ZNF827: variants seen among roughly 807,000 people sequenced by gnomAD.
The protein encoded by ZNF827 is zinc finger protein 827.
In ZNF827, 13 loss-of-function variants were observed where a neutral mutation model predicts 102.4. The observed-to-expected ratio is 0.13, with a 90% CI of 0.08 to 0.20. ZNF827 has a LOEUF of 0.20. Ranked by LOEUF, ZNF827 falls within the 10% of genes least tolerant of loss-of-function variation. The pLI is 1.00. For synonymous variants in ZNF827, 523 were observed against 536.2 expected, an observed-to-expected ratio of 0.98 and a Z score of 0.34; for missense variants, 1,103 against 1,344.4, an observed-to-expected ratio of 0.82 and a Z score of 2.81.
intron 8 of ZNF827, among the ~76,000 whole-genome samples, chr4:145,793,287 A>G (rs1004833933): frequency 7.4e-6 from 1 of 134,494 alleles, no homozygotes; most frequent in Non-Finnish European, 1.6e-5. Flanking sequence ...TATAATATAT[A>G]TATGATATAT....
chr4:145,855,168 A>G (rs1432006773), intron 5 of ZNF827, among the ~76,000 whole-genome samples: 2 of 152,210 alleles, frequency 1.3e-5, no homozygotes, highest in African/African-American at 4.8e-5. Context: ...GATATAAACA[A>G]TATCAATTGG....
intron 7 of ZNF827, among the ~76,000 whole-genome samples, chr4:145,835,723 A>C (rs1336783119): frequency 8.7e-6 from 1 of 114,712 alleles, no homozygotes; most frequent in Non-Finnish European, 1.8e-5. Context: ...CCCTTACCCC[A>C]CTCAACGCCA....
chr4:145,757,650 TA>T lies in ZNF827; in HGVS notation c.*3965del, dbSNP rs1734053811. ...AGTATAGCCAACCTTTTTTTTTTTTTAATTAGAGTATATTATACTTTCAAAC... is the reference window on the plus strand; with the variant it reads ...AGTATAGCCAACCTTTTTTTTTTTTTATTAGAGTATATTATACTTTCAAAC... On this transcript the variant is annotated 3_prime_UTR_variant, in exon 15 of 15. Coordinates refer to ENST00000508784, the MANE Select transcript of ZNF827 (RefSeq NM_001306215.2). The T allele has an allele frequency of 6.6e-6, 1 of 151,468 alleles. No individual in the cohort carries two copies. The highest frequency in any genetic ancestry group is 6.6e-5 in the Admixed American group (1 of 15,220). The allele number at this position is 151,468 out of a possible 1,614,324, so 9.4% of individuals were successfully genotyped here. A position where few individuals can be genotyped will look rare whatever the true frequency, so the allele number is the denominator to read the frequency against.
rs116080797 is a variant in ZNF827, at chr4:145,871,427, C to G, written c.1748-949G>C. Among the ~76,000 whole-genome samples the G allele has an allele frequency of 3.6e-3, 547 of 152,286 alleles. 2 individuals are homozygous for G. Among genetic ancestry groups the G allele is most frequent in the African/African-American group, 0.012 (504 of 41,568 alleles). ...ATTCTGTGGCTCAGCCACACTGTACCAGGCCTTCTCCACTGGGCTACATAC... is the reference window on the plus strand; with the variant it reads ...ATTCTGTGGCTCAGCCACACTGTACGAGGCCTTCTCCACTGGGCTACATAC... On this transcript the variant is annotated intron_variant, in intron 4 of 14. Coordinates refer to ENST00000508784, the MANE Select transcript of ZNF827 (RefSeq NM_001306215.2).
At chr4:145,893,436 TA>T (rs1248809995) in intron 2 of ZNF827, among the ~76,000 whole-genome samples, 3 of 152,204 alleles carry the variant, frequency 2.0e-5, no homozygotes, top group African/African-American at 7.2e-5. Context: ...CAATAAAATA[TA>T]AAAAGCACTT....
intron 4 of ZNF827, among the ~76,000 whole-genome samples, chr4:145,881,532 A>G (rs758919742): frequency 2.0e-5 from 3 of 152,218 alleles, no homozygotes; most frequent in Non-Finnish European, 4.4e-5. Context: ...TAAATTTTAT[A>G]TCTTGAAAAG....
chr4:145,898,754 T>G (rs960702379), intron 2 of ZNF827, among the ~76,000 whole-genome samples: 1 of 152,150 alleles, frequency 6.6e-6, no homozygotes, highest in Non-Finnish European at 1.5e-5. Context: ...CACCATGACC[T>G]GGCAACCACT....
At chr4:145,912,193 A>C (rs1358890633) in intron 1 of ZNF827, among the ~76,000 whole-genome samples, 2 of 152,252 alleles carry the variant, frequency 1.3e-5, no homozygotes, top group Non-Finnish European at 2.9e-5. Flanking sequence ...AAGTGCACAC[A>C]CACTCAAACA....
intron 1 of ZNF827, among the ~76,000 whole-genome samples, chr4:145,933,966 A>G (rs757966642): frequency 1.2e-4 from 19 of 152,228 alleles, no homozygotes; most frequent in Non-Finnish European, 2.8e-4. Flanking sequence ...CAAACTTTTT[A>G]AAGTTATCCA....
chr4:145,781,113 G>A (rs994184499), intron 8 of ZNF827, among the ~76,000 whole-genome samples: 3 of 149,622 alleles, frequency 2.0e-5, no homozygotes, highest in African/African-American at 7.4e-5. Flanking sequence ...GAAGAATGGC[G>A]TGAACCCGGG....
chr4:145,761,271 C>A lies in ZNF827; in HGVS notation c.*345G>T, dbSNP rs1241397103. The A allele has an allele frequency of 7.8e-7, 1 of 1,289,796 alleles. No homozygotes were observed. Among genetic ancestry groups the A allele is most frequent in the Non-Finnish European group, 1.0e-6 (1 of 988,894 alleles). The allele number at this position is 1,289,796 out of a possible 1,614,324, so 79.9% of individuals were successfully genotyped here. On this transcript the variant is annotated 3_prime_UTR_variant, in exon 15 of 15. Transcript: ENST00000508784. This position sits in a 1 kb window ranked among gnomAD's most constrained non-coding sequence, Gnocchi z 6.8. ...ACAGGCACTCTTCGCAGCTGAAGGT[C>A]TGGCGTGGGGCGTGCTTCAGCTTCT...
chr4:145,885,085 T>C lies in ZNF827; in HGVS notation c.1747+593A>G, dbSNP rs965015022. Reference sequence around the variant, plus strand: ...ATGTCATTGAACTGTGCACCTAAAATGGTTAAAATGGTAAATTTTATGTTA... The same window carrying C: ...ATGTCATTGAACTGTGCACCTAAAACGGTTAAAATGGTAAATTTTATGTTA... On this transcript the variant is annotated intron_variant, in intron 4 of 14. Transcript: ENST00000508784. 5.3e-5 allele frequency among the ~76,000 whole-genome samples: 8 copies of C among 151,986 alleles called. No homozygotes were observed. The East Asian group carries it at 1.5e-3, about 29-fold the overall frequency.
At chr4:145,818,481 C>A (rs1161985042) in intron 8 of ZNF827, among the ~76,000 whole-genome samples, 1 of 152,216 alleles carries the variant, frequency 6.6e-6, no homozygotes, top group Non-Finnish European at 1.5e-5. Context: ...CTGCTAGCTT[C>A]TTTCTCTGTA....
At chr4:145,916,239 C>G (rs113120313) in intron 1 of ZNF827, among the ~76,000 whole-genome samples, 2 of 152,184 alleles carry the variant, frequency 1.3e-5, no homozygotes, top group Non-Finnish European at 2.9e-5. Context: ...GGCCCCCAGG[C>G]GGTCGTGAAA....
chr4:145,813,213 C>T (rs1024882167), intron 8 of ZNF827, among the ~76,000 whole-genome samples: 1 of 152,172 alleles, frequency 6.6e-6, no homozygotes. Flanking sequence ...CACAGTACGT[C>T]ACAGCAGCTG....
intron 7 of ZNF827, among the ~76,000 whole-genome samples, chr4:145,843,762 C>T (rs1212935641): frequency 1.3e-5 from 2 of 152,208 alleles, no homozygotes; most frequent in Non-Finnish European, 2.9e-5. Context: ...CCGCTGTCCC[C>T]ATTGGAACCC....
At chr4:145,855,430 C>T (rs1321835353) in intron 5 of ZNF827, among the ~76,000 whole-genome samples, 2 of 152,180 alleles carry the variant, frequency 1.3e-5, no homozygotes, top group African/African-American at 4.8e-5. Flanking sequence ...TAGGATTGAT[C>T]ATTACTTAAA....
chr4:145,906,633 C>A (rs1561066646), intron 1 of ZNF827, among the ~76,000 whole-genome samples: 1 of 152,162 alleles, frequency 6.6e-6, no homozygotes, highest in African/African-American at 2.4e-5. Flanking sequence ...GGTTCTAATC[C>A]TACCAAGCAG....
chr4:145,922,267 C>T (rs1473672904), intron 1 of ZNF827, among the ~76,000 whole-genome samples: 1 of 152,182 alleles, frequency 6.6e-6, no homozygotes, highest in Non-Finnish European at 1.5e-5. Context: ...GTGTGGACCC[C>T]TATGTGTCTC....
Sources: allele counts gnomAD v4.1 joint callset (sites outside exome capture counted in the v4.1 genomes callset), GRCh38; gene constraint gnomAD v4.1.1; non-coding constraint Gnocchi (gnomAD v3.1); transcripts MANE v1.5; gene names NCBI Gene and HGNC (gene_info 2026-07-23, HGNC 2026-07-21).